BICC1: variants seen among roughly 807,000 people sequenced by gnomAD.
The protein encoded by BICC1 is BicC family RNA binding protein 1.
A neutral mutation model predicts 111.0 loss-of-function variants in BICC1; 43 were observed. The ratio of observed to expected loss-of-function variants is 0.39; its 90% CI spans 0.30 to 0.50. The LOEUF (loss-of-function observed/expected upper bound fraction) is 0.50. BICC1 is among the 20% of genes least tolerant of loss of function. The pLI is 0.88. For missense variants in BICC1, 1,091 were observed against 1,203.2 expected (o/e 0.91, Z 1.38); for synonymous variants, 467 against 434.4 (o/e 1.07, Z -0.93).
At chr10:58,652,867 G>A (rs1838494677) in intron 2 of BICC1, among the ~76,000 whole-genome samples, 1 of 152,094 alleles carries the variant, frequency 6.6e-6, no homozygotes, top group Admixed American at 6.6e-5. Context: ...TTGGAGTTCA[G>A]TAAATGTTCT....
intron 1 of BICC1, among the ~76,000 whole-genome samples, chr10:58,576,760 C>T (rs749106353): frequency 2.6e-5 from 4 of 152,170 alleles, no homozygotes; most frequent in Non-Finnish European, 5.9e-5. Flanking sequence ...GTTCAGATGA[C>T]ATTGTTCTGA....
chr10:58,621,765 G>A (rs1564517468), intron 2 of BICC1, among the ~76,000 whole-genome samples: 1 of 151,878 alleles, frequency 6.6e-6, no homozygotes, highest in Admixed American at 6.6e-5. Flanking sequence ...CGGTGTGGTC[G>A]CAGATGCCTG....
At chr10:58,695,163 T>C (rs1405220945) in intron 2 of BICC1, among the ~76,000 whole-genome samples, 1 of 152,192 alleles carries the variant, frequency 6.6e-6, no homozygotes, top group Non-Finnish European at 1.5e-5. Context: ...TGGTAGGCCT[T>C]TCTTGGACTA....
At chr10:58,629,707 A>G (rs143014268) in intron 2 of BICC1, among the ~76,000 whole-genome samples, 2 of 152,344 alleles carry the variant, frequency 1.3e-5, no homozygotes, top group East Asian at 1.9e-4. Context: ...GGAGATTTAC[A>G]GTAATGATTT....
At chr10:58,799,282 G>A in intron 12 of BICC1, 30 bp downstream of exon 12, 1 of 1,533,166 alleles carries the variant, frequency 6.5e-7, no homozygotes, top group South Asian at 1.2e-5. Context: ...ATGTGTGTGT[G>A]ATCTGTACTG....
At chr10:58,631,341 T>A (rs1837787129) in intron 2 of BICC1, among the ~76,000 whole-genome samples, 1 of 152,206 alleles carries the variant, frequency 6.6e-6, no homozygotes, top group Admixed American at 6.5e-5. Flanking sequence ...TCATTTTATA[T>A]GTTTAACAGT....
intron 1 of BICC1, among the ~76,000 whole-genome samples, chr10:58,523,380 G>A (rs1195687875): frequency 6.6e-6 from 1 of 152,172 alleles, no homozygotes; most frequent in Non-Finnish European, 1.5e-5. Flanking sequence ...TCATCCCTGG[G>A]ATTCAAGGCT....
rs142550461 is a variant in BICC1, at chr10:58,816,303, A to G, written c.2534-1259A>G. Among the ~76,000 whole-genome samples the G allele has an allele frequency of 1.0e-2, 1,515 of 152,074 alleles. 17 individuals carry two copies. The highest frequency in any genetic ancestry group is 0.05 in the South Asian group (243 of 4,812). On this transcript the variant is annotated intron_variant, in intron 18 of 20. Coordinates refer to ENST00000373886, the MANE Select transcript of BICC1 (RefSeq NM_001080512.3). ...CACTCCTCCTCAAACTGTTTTTATG[A>G]CTTTGGGGCCTCTGCTTCACCTTTA...
chr10:58,533,366 G>A (rs910270477), intron 1 of BICC1, among the ~76,000 whole-genome samples: 2 of 151,800 alleles, frequency 1.3e-5, no homozygotes, highest in African/African-American at 4.8e-5. Context: ...GCATTGACAT[G>A]GCTAAGTTCC....
At chr10:58,744,853 T>TA (rs1841783681) in intron 3 of BICC1, among the ~76,000 whole-genome samples, 1 of 152,136 alleles carries the variant, frequency 6.6e-6, no homozygotes, top group South Asian at 2.1e-4. Flanking sequence ...TGATCAGAGA[T>TA]AGCCTTATAG....
chr10:58,680,851 G>T (rs1236282977), intron 2 of BICC1, among the ~76,000 whole-genome samples: 1 of 152,002 alleles, frequency 6.6e-6, no homozygotes, highest in Non-Finnish European at 1.5e-5. Context: ...CAGAACAGAG[G>T]CCTCTGAAAT....
chr10:58,745,910 T>G (rs771734543), intron 3 of BICC1, among the ~76,000 whole-genome samples: 1 of 152,102 alleles, frequency 6.6e-6, no homozygotes. Flanking sequence ...TTTTACCTCA[T>G]GCTATCCTAT....
intron 1 of BICC1, among the ~76,000 whole-genome samples, chr10:58,594,059 A>G (rs542341552): frequency 6.6e-6 from 1 of 151,994 alleles, no homozygotes; most frequent in South Asian, 2.1e-4. Context: ...AAAACACAGC[A>G]CAAGAACTTC....
chr10:58,698,122 A>G (rs1478706321), intron 2 of BICC1, among the ~76,000 whole-genome samples: 1 of 152,196 alleles, frequency 6.6e-6, no homozygotes, highest in Non-Finnish European at 1.5e-5. Flanking sequence ...GCCCCTTCCT[A>G]TGTGTAATCA....
rs543265676 is a variant in BICC1, at chr10:58,552,424, C to T, written c.190+39091C>T. Among the ~76,000 whole-genome samples, 220 of 152,132 alleles carry T rather than the reference C, an allele frequency of 1.4e-3. 2 individuals carry two copies. Among genetic ancestry groups the T allele is most frequent in the Non-Finnish European group, 2.0e-3 (134 of 67,982 alleles). The stretch of plus-strand genomic sequence containing the variant: ...GATCTTGGCTCACTGCAAGCTCCGC[C>T]TCCCGGGTTCATGCCATTCTCCTGC... On this transcript the variant is annotated intron_variant, in intron 1 of 20. Coordinates refer to ENST00000373886, the MANE Select transcript of BICC1 (RefSeq NM_001080512.3).
chr10:58,572,144 G>A (rs1020236571), intron 1 of BICC1, among the ~76,000 whole-genome samples: 2 of 152,034 alleles, frequency 1.3e-5, no homozygotes, highest in African/African-American at 4.8e-5. Context: ...AGAAGTGTCT[G>A]TTCATGTCCT....
chr10:58,545,348 G>T (rs1405565206), intron 1 of BICC1, among the ~76,000 whole-genome samples: 4 of 152,228 alleles, frequency 2.6e-5, no homozygotes, highest in Non-Finnish European at 5.9e-5. Context: ...TAAGAAATTA[G>T]TTTCTCAGTT....
chr10:58,664,045 G>A (rs988904498), intron 2 of BICC1, among the ~76,000 whole-genome samples: 2 of 152,142 alleles, frequency 1.3e-5, no homozygotes, highest in Non-Finnish European at 2.9e-5. Flanking sequence ...AGGTCTTTGT[G>A]TAAACATATA....
chr10:58,636,601 T>TCC lies in BICC1; in HGVS notation c.237+15700_237+15701insCC, dbSNP rs1182139795. 8.8e-3 allele frequency among the ~76,000 whole-genome samples: 1,308 copies of TCC among 148,358 alleles called. 12 individuals carry two copies. The highest frequency in any genetic ancestry group is 0.035 in the East Asian group (181 of 5,148). ...CATTGTCTCCTCCTCCTCCTCCTCC[T>TCC]TCTCCCTTTTTTCCTTCCCCAATTC... On this transcript the variant is annotated intron_variant, in intron 2 of 20. Coordinates refer to ENST00000373886, the MANE Select transcript of BICC1 (RefSeq NM_001080512.3).
Sources: allele counts gnomAD v4.1 joint callset (sites outside exome capture counted in the v4.1 genomes callset), GRCh38; gene constraint gnomAD v4.1.1; transcripts MANE v1.5; gene names NCBI Gene and HGNC (gene_info 2026-07-23, HGNC 2026-07-21).